TENM1: variants seen among roughly 807,000 people sequenced by gnomAD.
The protein encoded by TENM1 is teneurin-1.
In TENM1, 35 loss-of-function variants were observed where a neutral mutation model predicts 174.8. The ratio of observed to expected loss-of-function variants is 0.20; its 90% confidence interval spans 0.15 to 0.27. TENM1 has a LOEUF of 0.27. Ranked by LOEUF, TENM1 falls within the 10% of genes least tolerant of loss-of-function variation. TENM1 has a pLI of 1.00. For synonymous variants in TENM1, 781 were observed against 798.7 expected, an observed-to-expected ratio of 0.98 and a Z score of 0.37; for missense variants, 1,633 against 2,130.1, an observed-to-expected ratio of 0.77 and a Z score of 4.59.
At chrX:124,494,726 T>C (rs1348885752) in intron 20 of TENM1, among the ~76,000 whole-genome samples, 1 of 106,099 alleles carries the variant, frequency 9.4e-6, no homozygotes, top group Non-Finnish European at 1.9e-5. Flanking sequence ...TGTGATCTCA[T>C]TGTTCAATTC....
At chrX:124,525,381 A>T (rs13440794) in intron 16 of TENM1, among the ~76,000 whole-genome samples, 1 of 112,312 alleles carries the variant, frequency 8.9e-6, no homozygotes, top group African/African-American at 3.2e-5. Flanking sequence ...AGGCAAGTGT[A>T]GTGGGGAGAA....
At chrX:124,547,994 AC>A (rs1476967772) in intron 14 of TENM1, among the ~76,000 whole-genome samples, 1 of 110,689 alleles carries the variant, frequency 9.0e-6, no homozygotes, top group African/African-American at 3.3e-5. Flanking sequence ...CCGCCAACAC[AC>A]CCGGCTAATT....
intron 22 of TENM1, among the ~76,000 whole-genome samples, chrX:124,468,414 A>T (rs1475640609): frequency 9.0e-6 from 1 of 111,350 alleles, no homozygotes; most frequent in African/African-American, 3.3e-5. Context: ...CTGACCTTGT[A>T]ATCTGCCCGC....
At chrX:124,661,346 C>T (rs1602938606) in intron 6 of TENM1, among the ~76,000 whole-genome samples, 2 of 112,060 alleles carry the variant, frequency 1.8e-5, no homozygotes, top group South Asian at 7.4e-4. Context: ...AAAGCTGTCA[C>T]AAAAATACAG....
At chrX:125,044,477 C>G in the TENM1 span, among the ~76,000 whole-genome samples, 1 of 110,246 alleles carries the variant, frequency 9.1e-6, no homozygotes, top group Non-Finnish European at 1.9e-5. Context: ...GTTGCTCTAG[C>G]TACTTGGGAA....
chrX:124,453,090 T>C (rs1254735124), intron 23 of TENM1, among the ~76,000 whole-genome samples: 1 of 111,799 alleles, frequency 8.9e-6, no homozygotes, highest in Non-Finnish European at 1.9e-5. Context: ...TAATTCAAGC[T>C]TGAGAGACTT....
At chrX:124,402,981 G>A (rs1040310148) in intron 27 of TENM1, among the ~76,000 whole-genome samples, 4 of 111,540 alleles carry the variant, frequency 3.6e-5, no homozygotes, top group African/African-American at 9.8e-5. Context: ...AAAGAATTCC[G>A]ATAGAAATCT....
chrX:124,824,105 T>TA, intron 3 of TENM1, among the ~76,000 whole-genome samples: 1 of 111,866 alleles, frequency 8.9e-6, no homozygotes, highest in East Asian at 2.8e-4. Context: ...TTCACATTTA[T>TA]TTCATTTACA....
the TENM1 span, among the ~76,000 whole-genome samples, chrX:125,008,625 A>T: frequency 1.8e-5 from 2 of 112,322 alleles, no homozygotes; most frequent in South Asian, 7.4e-4. Flanking sequence ...CCAACCACGT[A>T]ATTGGAAGTA....
the TENM1 span, among the ~76,000 whole-genome samples, chrX:125,109,138 C>T: frequency 2.0e-4 from 22 of 112,077 alleles, no homozygotes; most frequent in African/African-American, 6.8e-4. Flanking sequence ...TGATTACTTA[C>T]ATCAATTTGT....
chrX:125,197,210 C>G, the TENM1 span, among the ~76,000 whole-genome samples: 1 of 111,605 alleles, frequency 9.0e-6, no homozygotes, highest in African/African-American at 3.3e-5. Context: ...AACACTAAGT[C>G]GATTCCAAAC....
chrX:125,000,293 A>G, the TENM1 span, among the ~76,000 whole-genome samples: 1 of 111,441 alleles, frequency 9.0e-6, no homozygotes, highest in Admixed American at 9.6e-5. Flanking sequence ...TATGGTTTTA[A>G]TAATTGAAAA....
At chrX:124,907,741 A>G (rs1423336561) in intron 1 of TENM1, among the ~76,000 whole-genome samples, 1 of 112,210 alleles carries the variant, frequency 8.9e-6, no homozygotes, top group Non-Finnish European at 1.9e-5. Context: ...GTGGCATAGC[A>G]TATATAGTCA....
chrX:124,698,359 TAAC>T (rs1191305086), intron 5 of TENM1, among the ~76,000 whole-genome samples: 6 of 111,196 alleles, frequency 5.4e-5, no homozygotes, highest in African/African-American at 2.0e-4. Context: ...CTAAGCCAGA[TAAC>T]AACATTCTCT....
chrX:124,988,009 T>G, the TENM1 span, among the ~76,000 whole-genome samples: 1 of 111,474 alleles, frequency 9.0e-6, no homozygotes, highest in South Asian at 3.8e-4. Context: ...AGATTGCTTC[T>G]TATTGGTAAC....
chrX:124,954,109 G>A (rs998438415), intron 1 of TENM1, among the ~76,000 whole-genome samples: 1 of 112,164 alleles, frequency 8.9e-6, no homozygotes, highest in Admixed American at 9.5e-5. Flanking sequence ...GTAGTTAGCT[G>A]TAATTGTATA....
the TENM1 span, among the ~76,000 whole-genome samples, chrX:125,026,563 T>C: frequency 1.8e-5 from 2 of 111,632 alleles, no homozygotes; most frequent in African/African-American, 6.5e-5. Context: ...GTAACTACGA[T>C]ACAAAAATCT....
At chrX:124,517,273 C>G (rs1031913948) in intron 18 of TENM1, among the ~76,000 whole-genome samples, 2 of 110,479 alleles carry the variant, frequency 1.8e-5, no homozygotes, top group Non-Finnish European at 3.8e-5. Flanking sequence ...ATATAACAAG[C>G]CTACACACAT....
chrX:124,719,957 G>C (rs1434899779), intron 4 of TENM1, among the ~76,000 whole-genome samples: 1 of 111,870 alleles, frequency 8.9e-6, no homozygotes, highest in Non-Finnish European at 1.9e-5. Flanking sequence ...ATATGAAGCT[G>C]TATTTATGTC....
Sources: gnomAD v4.1 joint callset for allele counts (sites outside exome capture counted in the v4.1 genomes callset) on GRCh38, gnomAD v4.1.1 for gene constraint, MANE v1.5 for transcripts, NCBI Gene and HGNC (gene_info 2026-07-23, HGNC 2026-07-21) for gene names.